CCDC152: variants seen among roughly 807,000 people sequenced by gnomAD.
CCDC152 encodes the protein coiled-coil domain-containing protein 152.
CCDC152 carries 37 observed loss-of-function variants against 38.1 expected under a neutral mutation model. The ratio of observed to expected loss-of-function variants is 0.97; its 90% CI spans 0.75 to 1.28. CCDC152 has a LOEUF of 1.28. Ranked by LOEUF, CCDC152 falls within the 50% of genes most tolerant of loss-of-function variation. CCDC152 has a pLI of 0.00. For missense variants in CCDC152, 259 were observed against 292.1 expected (o/e 0.89, Z 0.83); for synonymous variants, 83 against 87.1 (o/e 0.95, Z 0.26).
intron 3 of CCDC152, 141 bp from the exon 4 acceptor site, chr5:42,769,456 G>A (rs1204614755): frequency 2.0e-5 from 20 of 976,698 alleles, no homozygotes; most frequent in Non-Finnish European, 2.3e-5. Context: ...TCCTGCCTCA[G>A]CCTCTTGAGT....
chr5:42,796,050 T>C (rs1028509033), intron 6 of CCDC152, among the ~76,000 whole-genome samples: 3 of 144,926 alleles, frequency 2.1e-5, no homozygotes, highest in Non-Finnish European at 4.5e-5. Flanking sequence ...TGAGAACACA[T>C]GGACACAGGA....
At chr5:42,796,473 C>T (rs1418505318) in intron 6 of CCDC152, among the ~76,000 whole-genome samples, 3 of 152,096 alleles carry the variant, frequency 2.0e-5, no homozygotes, top group African/African-American at 7.2e-5. Flanking sequence ...ATAGCAGGGG[C>T]TTCATGTAGC....
intron 4 of CCDC152, among the ~76,000 whole-genome samples, chr5:42,778,052 C>T (rs1000822274): frequency 6.6e-6 from 1 of 152,142 alleles, no homozygotes; most frequent in Non-Finnish European, 1.5e-5. Context: ...TTTTGTTTAA[C>T]TACTTCTTGG....
At chr5:42,790,619 G>A (rs2031352750) in intron 6 of CCDC152, among the ~76,000 whole-genome samples, 1 of 152,168 alleles carries the variant, frequency 6.6e-6, no homozygotes, top group Non-Finnish European at 1.5e-5. Context: ...GAGAGACTGG[G>A]TAAGTTGTCA....
rs1235489477 is a variant in CCDC152 at position 42,801,384 on chromosome 5, T to G, written c.*1603T>G. ...AACAAGCTTATAGAGATAGGAATAA[T>G]GCGTGAAAAATGATTTGTAGAGCTA... On this transcript the variant is annotated 3_prime_UTR_variant, in exon 9 of 9. Coordinates refer to ENST00000361970, the MANE Select transcript of CCDC152 (RefSeq NM_001134848.2). 18 of 1,327,988 alleles carry G rather than the reference T, an allele frequency of 1.4e-5. No individual in the cohort carries two copies. The highest frequency in any genetic ancestry group is 1.7e-5 in the Non-Finnish European group (16 of 969,686). The allele number at this position is 1,327,988 out of a possible 1,614,324, so 82.3% of individuals were successfully genotyped here. A position where few individuals can be genotyped will look rare whatever the true frequency, so the allele number is the denominator to read the frequency against.
intron 4 of CCDC152, 135 bp from the exon 5 acceptor site, chr5:42,779,323 G>A (rs768937814): frequency 1.3e-5 from 8 of 631,110 alleles, no homozygotes; most frequent in Non-Finnish European, 2.0e-5. Flanking sequence ...TGTCTAGCAT[G>A]GTGCCTGAAG....
At chr5:42,787,518 T>A (rs2111579655) in intron 6 of CCDC152, among the ~76,000 whole-genome samples, 2 of 152,196 alleles carry the variant, frequency 1.3e-5, no homozygotes, top group East Asian at 3.9e-4. Context: ...ATTGTACAGC[T>A]GTCTATCTAT....
intron 4 of CCDC152, among the ~76,000 whole-genome samples, chr5:42,775,467 C>T (rs963544119): frequency 2.6e-5 from 4 of 152,122 alleles, no homozygotes; most frequent in Admixed American, 6.5e-5. Flanking sequence ...AATAATTCTG[C>T]ATCCTGCAAA....
intron 4 of CCDC152, among the ~76,000 whole-genome samples, chr5:42,772,422 G>T (rs1053515927): frequency 6.6e-6 from 1 of 152,132 alleles, no homozygotes; most frequent in East Asian, 1.9e-4. Context: ...TTTCTTGGCC[G>T]GGCGCTGTGG....
intron 3 of CCDC152, among the ~76,000 whole-genome samples, chr5:42,763,370 G>A (rs1759581514): frequency 1.3e-5 from 2 of 152,152 alleles, no homozygotes; most frequent in Non-Finnish European, 2.9e-5. Context: ...CTGTGCAGAA[G>A]AATTACAAAT....
At chr5:42,776,020 G>A (rs763518971) in intron 4 of CCDC152, among the ~76,000 whole-genome samples, 10 of 151,232 alleles carry the variant, frequency 6.6e-5, no homozygotes, top group Non-Finnish European at 1.5e-4. Context: ...AAAAAGAATA[G>A]AAGACAAAAA....
intron 4 of CCDC152, among the ~76,000 whole-genome samples, chr5:42,772,781 A>G (rs1561274505): frequency 6.6e-6 from 1 of 152,360 alleles, no homozygotes; most frequent in East Asian, 1.9e-4. Context: ...AATAGATAAG[A>G]ACTATCTATA....
At chr5:42,787,229 G>T (rs1211498070) in intron 6 of CCDC152, among the ~76,000 whole-genome samples, 2 of 151,956 alleles carry the variant, frequency 1.3e-5, no homozygotes, top group African/African-American at 4.8e-5. Context: ...TGATCCAGTA[G>T]ACTGGTCTCC....
At chr5:42,788,929 G>A (rs1759961672) in intron 6 of CCDC152, among the ~76,000 whole-genome samples, 1 of 152,164 alleles carries the variant, frequency 6.6e-6, no homozygotes. Context: ...TGGTGGTATG[G>A]TAATGCAAAG....
chr5:42,779,353 A>T (rs779437856), intron 4 of CCDC152, 105 bp from the exon 5 acceptor site: 212 of 686,046 alleles, frequency 3.1e-4, no homozygotes, highest in Non-Finnish European at 3.0e-4. Flanking sequence ...TGCTGGATGC[A>T]TGTTTGTTGA....
At chr5:42,787,180 A>G (rs74359069) in intron 6 of CCDC152, among the ~76,000 whole-genome samples, 1,834 of 152,118 alleles carry the variant, frequency 0.012, 40 homozygotes, top group African/African-American at 0.042. Context: ...CAAAAGTCCA[A>G]TTAAAGTCCA....
Position 42,783,548 on chromosome 5 carries a change from C to A in CCDC152, c.402C>A (p.Ser134Arg). Reference sequence around the variant, plus strand: ...AGGAGGGATATAAGAAAGAAATAAGCAAACTTTATCAGGACATGCAGAGAA... The same window carrying A: ...AGGAGGGATATAAGAAAGAAATAAGAAAACTTTATCAGGACATGCAGAGAA... The part of the protein sequence containing the change: ...IKEEGYKKEI[S>R]KLYQDMQRKV... Residue 134 changes from serine to arginine, a missense_variant, in exon 6 of 9, where the codon AGC becomes AGA. Transcript: ENST00000361970. 3 of 1,379,946 alleles carry A rather than the reference C, an allele frequency of 2.2e-6. No individual in the cohort carries two copies. Among genetic ancestry groups the A allele is most frequent in the Non-Finnish European group, 2.8e-6 (3 of 1,057,262 alleles). The allele number at this position is 1,379,946 out of a possible 1,614,324, so 85.5% of individuals were successfully genotyped here. A position where few individuals can be genotyped will look rare whatever the true frequency, so the allele number is the denominator to read the frequency against.
At chr5:42,773,237 A>G (rs1759724909) in intron 4 of CCDC152, among the ~76,000 whole-genome samples, 1 of 152,182 alleles carries the variant, frequency 6.6e-6, no homozygotes, top group Non-Finnish European at 1.5e-5. Context: ...GAGAAATGCT[A>G]CCTTCCTTTA....
At chr5:42,764,627 A>G (rs1240197454) in intron 3 of CCDC152, among the ~76,000 whole-genome samples, 1 of 152,252 alleles carries the variant, frequency 6.6e-6, no homozygotes, top group East Asian at 1.9e-4. Flanking sequence ...AACATATGCA[A>G]ATCAACCAAT....
Sources: gnomAD v4.1 joint callset for allele counts (sites outside exome capture counted in the v4.1 genomes callset) on GRCh38, gnomAD v4.1.1 for gene constraint, MANE v1.5 for transcripts, NCBI Gene and HGNC (gene_info 2026-07-23, HGNC 2026-07-21) for gene names.